NELL1: variants seen among roughly 807,000 people sequenced by gnomAD.
NELL1 encodes neural EGFL like 1, also known as protein kinase C-binding protein NELL1.
NELL1 carries 76 observed loss-of-function variants against 107.4 expected under a neutral mutation model. That is an observed-to-expected ratio of 0.71 (90% CI 0.59 to 0.86). The LOEUF (loss-of-function observed/expected upper bound fraction) is 0.86, where lower values mean the gene tolerates loss of function less well. NELL1 is among the 40% of genes least tolerant of loss of function. NELL1 has a pLI of 0.00. For synonymous variants in NELL1, 353 were observed against 341.2 expected (o/e 1.03, Z -0.38); for missense variants, 1,024 against 1,005.5 (o/e 1.02, Z -0.25).
At chr11:20,828,436 GA>G (rs201587827) in intron 3 of NELL1, among the ~76,000 whole-genome samples, 1,624 of 152,182 alleles carry the variant, frequency 0.011, 11 homozygotes, top group Middle Eastern at 0.031. Flanking sequence ...GTTAATAATT[GA>G]AAAAACTCTC....
intron 14 of NELL1, among the ~76,000 whole-genome samples, chr11:21,277,145 C>T (rs1379176675): frequency 6.6e-6 from 1 of 151,910 alleles, no homozygotes; most frequent in Non-Finnish European, 1.5e-5. Flanking sequence ...TTGCAATCTA[C>T]TCATCTGACA....
intron 16 of NELL1, among the ~76,000 whole-genome samples, chr11:21,540,667 A>G (rs1033589152): frequency 5.3e-5 from 8 of 151,988 alleles, no homozygotes; most frequent in Admixed American, 5.3e-4. Context: ...TGAAGGGGGG[A>G]GGTACTATGT....
chr11:20,689,866 C>A (rs1051913127), intron 2 of NELL1, among the ~76,000 whole-genome samples: 1 of 151,414 alleles, frequency 6.6e-6, no homozygotes, highest in East Asian at 1.9e-4. Context: ...GCCACACTGA[C>A]TTCCACAATG....
At chr11:21,045,135 A>G (rs1188399728) in intron 12 of NELL1, among the ~76,000 whole-genome samples, 1 of 152,206 alleles carries the variant, frequency 6.6e-6, no homozygotes, top group Non-Finnish European at 1.5e-5. Context: ...GTGAGAAAGT[A>G]AATAGATTAA....
intron 15 of NELL1, among the ~76,000 whole-genome samples, chr11:21,455,320 C>CTTTTTTTT (rs34607165): frequency 7.8e-5 from 6 of 77,214 alleles, no homozygotes; most frequent in African/African-American, 1.7e-4. Context: ...TTCTTTTATT[C>CTTTTTTTT]TTTTTTTTTT....
chr11:20,674,929 CAAAT>C lies in NELL1; in HGVS notation c.56-3000_56-2997del, dbSNP rs1854015486. ...ATATTGTCATAATAATTTTGTATAA[CAAAT>C]AACCCCAAACTCAGTGGCTTAAAGC... On this transcript the variant is annotated intron_variant, in intron 1 of 19. Transcript: ENST00000357134. Among the ~76,000 whole-genome samples, 4 of 152,116 alleles carry C rather than the reference CAAAT, an allele frequency of 2.6e-5. No individual in the cohort carries two copies. The South Asian group carries it at 8.3e-4, about 32-fold the overall frequency.
intron 2 of NELL1, among the ~76,000 whole-genome samples, chr11:20,732,227 G>A (rs1855663058): frequency 6.6e-6 from 1 of 151,934 alleles, no homozygotes; most frequent in Non-Finnish European, 1.5e-5. Context: ...ATAGAACTTT[G>A]CCCTTTCTTC....
intron 16 of NELL1, among the ~76,000 whole-genome samples, chr11:21,547,957 CA>C (rs1856484347): frequency 6.6e-6 from 1 of 151,732 alleles, no homozygotes; most frequent in South Asian, 2.1e-4. Context: ...GAGTTGGATT[CA>C]AATACAAGTT....
chr11:21,049,689 T>C (rs76581829), intron 12 of NELL1, among the ~76,000 whole-genome samples: 1 of 151,646 alleles, frequency 6.6e-6, no homozygotes, highest in East Asian at 2.0e-4. Context: ...AACTTTTTTT[T>C]TTTTTTGAGA....
intron 14 of NELL1, among the ~76,000 whole-genome samples, chr11:21,318,305 A>G (rs1178197139): frequency 2.0e-5 from 3 of 152,184 alleles, no homozygotes; most frequent in Non-Finnish European, 4.4e-5. Flanking sequence ...TCCAGTAGAC[A>G]CCATCTGCCC....
intron 2 of NELL1, among the ~76,000 whole-genome samples, chr11:20,775,849 C>T (rs1004546531): frequency 1.3e-5 from 2 of 152,186 alleles, no homozygotes; most frequent in Admixed American, 1.3e-4. Flanking sequence ...TACCATGTGT[C>T]ACAGGATGCC....
In NELL1 at chr11:20,976,962, T is replaced by C. The variant is rs145430121; in HGVS notation, c.1300+16402T>C. ...TGAACCTGTGTGCAAATTTTTTTTT[T>C]TTGAATCATAATTAAGAAGAGAATG... On this transcript the variant is annotated intron_variant, in intron 12 of 19. Coordinates refer to ENST00000357134, the MANE Select transcript of NELL1 (RefSeq NM_006157.5). Among the ~76,000 whole-genome samples, 811 of 152,186 alleles carry C rather than the reference T, an allele frequency of 5.3e-3. 7 individuals carry two copies. Among genetic ancestry groups the C allele is most frequent in the African/African-American group, 0.019 (773 of 41,530 alleles).
intron 15 of NELL1, among the ~76,000 whole-genome samples, chr11:21,494,032 T>C (rs1854907690): frequency 6.6e-6 from 1 of 151,970 alleles, no homozygotes; most frequent in Non-Finnish European, 1.5e-5. Context: ...ATAACCAGTG[T>C]TTCTGTAGCT....
At chr11:20,856,277 A>C (rs1213206012) in intron 4 of NELL1, among the ~76,000 whole-genome samples, 1 of 152,194 alleles carries the variant, frequency 6.6e-6, no homozygotes, top group East Asian at 1.9e-4. Context: ...AGAGCCAGCC[A>C]GCTAATGTGC....
intron 7 of NELL1, among the ~76,000 whole-genome samples, chr11:20,920,414 G>A (rs1392429346): frequency 6.6e-6 from 1 of 152,036 alleles, no homozygotes; most frequent in Admixed American, 6.6e-5. Flanking sequence ...TTCAAACTGG[G>A]TTTTTGGCTA....
intron 13 of NELL1, among the ~76,000 whole-genome samples, chr11:21,207,691 A>C (rs1449331812): frequency 6.6e-6 from 1 of 152,156 alleles, no homozygotes; most frequent in Admixed American, 6.5e-5. Context: ...GGAACAAAAG[A>C]CTAAGCCAAC....
chr11:21,503,690 G>A (rs1454916660), intron 15 of NELL1, among the ~76,000 whole-genome samples: 4 of 152,180 alleles, frequency 2.6e-5, no homozygotes, highest in Middle Eastern at 6.8e-3. Flanking sequence ...TAGCTGGGTC[G>A]CTGGGTATAA....
chr11:20,859,891 A>G (rs1429794), intron 4 of NELL1, among the ~76,000 whole-genome samples: 121,554 of 152,086 alleles, frequency 0.8, 48,856 homozygotes, highest in East Asian at 0.95. Flanking sequence ...ATGACTTAAC[A>G]CTGCAAACCT....
intron 10 of NELL1, among the ~76,000 whole-genome samples, chr11:20,938,434 A>G (rs1850773554): frequency 6.6e-6 from 1 of 152,212 alleles, no homozygotes; most frequent in South Asian, 2.1e-4. Context: ...CTTGCAGTCT[A>G]GTGAGGGAGA....
Sources: gnomAD v4.1 joint callset for allele counts (sites outside exome capture counted in the v4.1 genomes callset) on GRCh38, gnomAD v4.1.1 for gene constraint, MANE v1.5 for transcripts, NCBI Gene and HGNC (gene_info 2026-07-23, HGNC 2026-07-21) for gene names.